WDR49: variants seen among roughly 807,000 people sequenced by gnomAD.
WDR49 encodes the protein WD repeat domain 49.
WDR49 carries 107 observed loss-of-function variants against 119.5 expected under a neutral mutation model. The ratio of observed to expected loss-of-function variants is 0.90; its 90% CI spans 0.77 to 1.05. The LOEUF is 1.05. Ranked by LOEUF, WDR49 falls within the 50% of genes least tolerant of loss-of-function variation. The pLI is 0.00. For missense variants in WDR49, 1,240 were observed against 1,220.5 expected (o/e 1.02, Z -0.24); for synonymous variants, 425 against 418.8 (o/e 1.01, Z -0.18).
At chr3:167,546,148 C>T (rs1484143799) in intron 10 of WDR49, among the ~76,000 whole-genome samples, 1 of 151,856 alleles carries the variant, frequency 6.6e-6, no homozygotes, top group Non-Finnish European at 1.5e-5. Flanking sequence ...CAAAATTCAA[C>T]ATCTAATGTC....
intron 5 of WDR49, among the ~76,000 whole-genome samples, chr3:167,617,130 T>C (rs896748661): frequency 6.6e-6 from 1 of 151,686 alleles, no homozygotes; most frequent in South Asian, 2.1e-4. Context: ...CAATGAAGAG[T>C]CCATCTGAAT....
intron 11 of WDR49, among the ~76,000 whole-genome samples, chr3:167,536,444 T>C (rs924844516): frequency 4.0e-5 from 6 of 151,792 alleles, no homozygotes; most frequent in African/African-American, 1.5e-4. Flanking sequence ...TTTGGGAGGC[T>C]GATGCAGGTG....
chr3:167,613,338 G>A (rs901665239), intron 5 of WDR49, among the ~76,000 whole-genome samples: 1 of 152,152 alleles, frequency 6.6e-6, no homozygotes, highest in Non-Finnish European at 1.5e-5. Context: ...ACATGTCCAT[G>A]ATACAAATGA....
intron 10 of WDR49, among the ~76,000 whole-genome samples, chr3:167,538,691 A>G (rs1036615766): frequency 7.2e-5 from 11 of 152,148 alleles, no homozygotes; most frequent in Non-Finnish European, 1.3e-4. Context: ...AAAATGACTA[A>G]AATTCAAGGT....
chr3:167,554,095 A>G (rs141372808), intron 10 of WDR49, among the ~76,000 whole-genome samples: 271 of 152,242 alleles, frequency 1.8e-3, no homozygotes, highest in African/African-American at 6.1e-3. Context: ...CTACAGTGCC[A>G]CAGAACTGTT....
chr3:167,586,747 T>C (rs1270853794), intron 7 of WDR49, among the ~76,000 whole-genome samples: 1 of 152,160 alleles, frequency 6.6e-6, no homozygotes, highest in Admixed American at 6.6e-5. Context: ...AGATTTAGAC[T>C]AACATGAAAG....
chr3:167,569,647 T>C (rs759733526), intron 8 of WDR49, among the ~76,000 whole-genome samples: 19 of 146,964 alleles, frequency 1.3e-4, no homozygotes, highest in Non-Finnish European at 2.4e-4. Flanking sequence ...CAGCGAGCCA[T>C]GATCATGCCA....
intron 7 of WDR49, among the ~76,000 whole-genome samples, chr3:167,582,686 C>G (rs1286393577): frequency 6.6e-6 from 1 of 152,066 alleles, no homozygotes; most frequent in African/African-American, 2.4e-5. Flanking sequence ...AGGCTGGGCA[C>G]AGTAGCTCAC....
intron 2 of WDR49, among the ~76,000 whole-genome samples, chr3:167,638,903 C>G (rs368693853): frequency 1.3e-5 from 2 of 151,602 alleles, no homozygotes; most frequent in Non-Finnish European, 3.0e-5. Flanking sequence ...TTTCGATTTC[C>G]TATCCAGCTG....
intron 18 of WDR49, among the ~76,000 whole-genome samples, chr3:167,499,345 T>C (rs1475483110): frequency 3.9e-5 from 6 of 152,198 alleles, no homozygotes; most frequent in Non-Finnish European, 7.4e-5. Flanking sequence ...GCTCAGAGGA[T>C]TTTAGAAGTT....
chr3:167,541,698 G>A (rs1056279847), intron 10 of WDR49, among the ~76,000 whole-genome samples: 23 of 151,956 alleles, frequency 1.5e-4, no homozygotes, highest in African/African-American at 4.8e-4. Context: ...AGTACCTCAC[G>A]TCTCAATACT....
At chr3:167,548,896 A>G (rs955769973) in intron 10 of WDR49, among the ~76,000 whole-genome samples, 2 of 151,904 alleles carry the variant, frequency 1.3e-5, no homozygotes, top group African/African-American at 2.4e-5. Context: ...CCTGTGTCCA[A>G]GTGTTCTCAT....
At chr3:167,552,838 C>A (rs145439849) in intron 10 of WDR49, among the ~76,000 whole-genome samples, 267 of 152,140 alleles carry the variant, frequency 1.8e-3, no homozygotes, top group African/African-American at 6.3e-3. Flanking sequence ...AATGTAATTA[C>A]CATCCCATCC....
At chr3:167,626,054 T>A (rs927703373) in intron 3 of WDR49, among the ~76,000 whole-genome samples, 1 of 152,050 alleles carries the variant, frequency 6.6e-6, no homozygotes, top group Non-Finnish European at 1.5e-5. Context: ...CAGGAAAATA[T>A]GTACATGACT....
intron 2 of WDR49, among the ~76,000 whole-genome samples, chr3:167,648,142 A>G (rs1314127121): frequency 6.6e-6 from 1 of 152,184 alleles, no homozygotes; most frequent in Non-Finnish European, 1.5e-5. Context: ...GAATATTTTT[A>G]GTCCTTCATC....
At chr3:167,554,560 A>T (rs1486586689) in intron 10 of WDR49, 90 bp downstream of exon 10, 7 of 742,746 alleles carry the variant, frequency 9.4e-6, no homozygotes, top group Non-Finnish European at 1.5e-5. Context: ...CTAGGTCACC[A>T]GCAAGTTTTA....
intron 10 of WDR49, among the ~76,000 whole-genome samples, chr3:167,549,623 T>C (rs1428366120): frequency 6.6e-6 from 1 of 152,150 alleles, no homozygotes; most frequent in Non-Finnish European, 1.5e-5. Flanking sequence ...ATTGTAAAAA[T>C]TTTCTCCCAT....
intron 7 of WDR49, among the ~76,000 whole-genome samples, chr3:167,586,435 A>G (rs1297273487): frequency 6.6e-6 from 1 of 152,204 alleles, no homozygotes; most frequent in Non-Finnish European, 1.5e-5. Context: ...GAAAATAGCA[A>G]TAGAGAAGAT....
intron 12 of WDR49, among the ~76,000 whole-genome samples, chr3:167,531,606 G>T (rs1400856430): frequency 1.3e-5 from 2 of 152,016 alleles, no homozygotes; most frequent in East Asian, 3.9e-4. Flanking sequence ...CAATACTGTG[G>T]CATTTTCAAC....
Sources: allele counts gnomAD v4.1 joint callset (sites outside exome capture counted in the v4.1 genomes callset), GRCh38; gene constraint gnomAD v4.1.1; transcripts MANE v1.5; gene names NCBI Gene and HGNC (gene_info 2026-07-23, HGNC 2026-07-21).